Variants in CDH13 observed in about 807,000 individuals in gnomAD.
CDH13 encodes cadherin 13, also known as cadherin-13.
Under a neutral mutation model 63.8 loss-of-function variants are expected in CDH13, and 24 were observed. The ratio of observed to expected loss-of-function variants is 0.38; its 90% confidence interval spans 0.27 to 0.53. CDH13 has a LOEUF of 0.53. Ranked by LOEUF, CDH13 falls within the 20% of genes least tolerant of loss-of-function variation. The pLI, the probability that CDH13 is intolerant of heterozygous loss-of-function variation, is 0.85. For synonymous variants in CDH13, 503 were observed against 355.3 expected, an observed-to-expected ratio of 1.42 and a Z score of -4.67; for missense variants, 1,049 against 903.1, an observed-to-expected ratio of 1.16 and a Z score of -2.07.
At position 83,670,978 on chromosome 16, in the gene CDH13, G is replaced by C; in HGVS notation, c.1284+6G>C. 1 of 1,577,156 alleles carries C rather than the reference G, an allele frequency of 6.3e-7. No individual in the cohort carries two copies. On this transcript the variant is annotated splice_donor_region_variant and intron_variant, in intron 9 of 13. Transcript: ENST00000567109. Reference sequence around the variant, plus strand: ...GGATGCTTTCTGTTGTCAAAGTAAGGGTGCTTCCAATTGCCTCTTTCTCCT... The same window carrying C: ...GGATGCTTTCTGTTGTCAAAGTAAGCGTGCTTCCAATTGCCTCTTTCTCCT...
rs369121464 is a variant in CDH13 at position 82,990,547 on chromosome 16, GT to G, written c.158-41447del. 5.4e-3 allele frequency among the ~76,000 whole-genome samples: 757 copies of G among 139,828 alleles called. 3 individuals are homozygous for G. The highest frequency in any genetic ancestry group is 0.019 in the Middle Eastern group (5 of 270). The allele number at this position is 139,828 out of a possible 152,430, so 91.7% of individuals were successfully genotyped here. A position where few individuals can be genotyped will look rare whatever the true frequency, so the allele number is the denominator to read the frequency against. ...CGTTTGTGTGGGTTTTTTGGTTTGG[GT>G]TTTTTTTTTTTTTTTAGAGACAGAG... On this transcript the variant is annotated intron_variant, in intron 2 of 13. Transcript: ENST00000567109.
At chr16:82,716,050 A>G (rs1467923541) in intron 1 of CDH13, among the ~76,000 whole-genome samples, 1 of 152,168 alleles carries the variant, frequency 6.6e-6, no homozygotes, top group African/African-American at 2.4e-5. Flanking sequence ...CTAAAGTCGG[A>G]TAAGGAAATG....
chr16:83,453,157 A>G (rs1193243920), intron 6 of CDH13, among the ~76,000 whole-genome samples: 14 of 152,240 alleles, frequency 9.2e-5, no homozygotes, highest in Admixed American at 9.2e-4. Flanking sequence ...ATCTGTGGGA[A>G]CTAAGCAATG....
chr16:83,485,813 C>T (rs183193318), intron 6 of CDH13, among the ~76,000 whole-genome samples: 19 of 152,258 alleles, frequency 1.2e-4, no homozygotes, highest in Admixed American at 9.8e-4. Flanking sequence ...TTCCCCAACA[C>T]GCAGCCCAGG....
At chr16:83,560,193 G>T (rs1025909513) in intron 7 of CDH13, among the ~76,000 whole-genome samples, 2 of 152,226 alleles carry the variant, frequency 1.3e-5, no homozygotes, top group Non-Finnish European at 1.5e-5. Flanking sequence ...CCCTCTCACA[G>T]AGTTTGGAAT....
chr16:83,423,389 A>C (rs1366431868), intron 6 of CDH13, among the ~76,000 whole-genome samples: 1 of 152,178 alleles, frequency 6.6e-6, no homozygotes, highest in African/African-American at 2.4e-5. Context: ...TTTCAATGGC[A>C]TCACCATTGT....
chr16:82,958,067 A>T (rs56764990), intron 2 of CDH13, among the ~76,000 whole-genome samples: 8,710 of 152,230 alleles, frequency 0.057, 813 homozygotes, highest in African/African-American at 0.19. Flanking sequence ...TTCTCTTAGT[A>T]AACTCACAGA....
chr16:83,707,836 C>CAAAAAAAAAAAAAAAAAAAAAAAAAAA lies in CDH13; in HGVS notation c.1538+29397_1538+29398insAAAAAAAAAAAAAAAAAAAAAAAAAAA, dbSNP rs61067563. Among the ~76,000 whole-genome samples the CAAAAAAAAAAAAAAAAAAAAAAAAAAA allele has an allele frequency of 9.3e-4, 73 of 78,870 alleles. 6 individuals carry two copies. The highest frequency in any genetic ancestry group is 1.6e-3 in the African/African-American group (31 of 19,984). The allele number at this position is 78,870 out of a possible 152,430, so 51.7% of individuals were successfully genotyped here. On this transcript the variant is annotated intron_variant, in intron 10 of 13. Transcript: ENST00000567109. ...CATCTTTGGTGAGAGACCCTAAAGG[C>CAAAAAAAAAAAAAAAAAAAAAAAAAAA]AAAAAAAAAAAAAAAAAAAAAAGAG...
intron 4 of CDH13, among the ~76,000 whole-genome samples, chr16:83,184,997 G>T (rs2038474115): frequency 6.6e-6 from 1 of 151,006 alleles, no homozygotes; most frequent in African/African-American, 2.4e-5. Flanking sequence ...GTGGTGTGTG[G>T]GTATATATAC....
chr16:83,449,869 A>C (rs1388609906), intron 6 of CDH13, among the ~76,000 whole-genome samples: 1 of 152,218 alleles, frequency 6.6e-6, no homozygotes. Context: ...CTCAGACCAC[A>C]GATTTGTGCA....
At chr16:83,303,954 C>CT (rs1486214941) in intron 5 of CDH13, among the ~76,000 whole-genome samples, 1 of 152,158 alleles carries the variant, frequency 6.6e-6, no homozygotes, top group Non-Finnish European at 1.5e-5. Flanking sequence ...GGATCTCAGA[C>CT]TTTGCCTATC....
chr16:82,749,088 TC>T (rs1488661462), intron 1 of CDH13, among the ~76,000 whole-genome samples: 3 of 151,372 alleles, frequency 2.0e-5, no homozygotes, highest in Non-Finnish European at 2.9e-5. Context: ...AATTGTGGGG[TC>T]CAATTTTTTT....
At chr16:83,623,660 C>A (rs1030700044) in intron 8 of CDH13, among the ~76,000 whole-genome samples, 1 of 152,168 alleles carries the variant, frequency 6.6e-6, no homozygotes. Flanking sequence ...TATATCAGAG[C>A]CAGAACCAGT....
chr16:83,029,318 G>T (rs1168046626), intron 2 of CDH13, among the ~76,000 whole-genome samples: 1 of 152,118 alleles, frequency 6.6e-6, no homozygotes, highest in African/African-American at 2.4e-5. Context: ...TTAACAGTGT[G>T]CTAGGATCTA....
At chr16:83,137,496 C>T (rs2036340852) in intron 4 of CDH13, among the ~76,000 whole-genome samples, 1 of 152,172 alleles carries the variant, frequency 6.6e-6, no homozygotes, top group East Asian at 1.9e-4. Context: ...AAATAGACCA[C>T]ATGTTGACAA....
intron 2 of CDH13, among the ~76,000 whole-genome samples, chr16:82,860,724 C>G (rs1488255712): frequency 6.6e-6 from 1 of 151,770 alleles, no homozygotes; most frequent in Non-Finnish European, 1.5e-5. Flanking sequence ...GAGTATAGAG[C>G]CTGCAGATAA....
At chr16:82,845,303 C>G (rs2039211016) in intron 1 of CDH13, among the ~76,000 whole-genome samples, 1 of 152,168 alleles carries the variant, frequency 6.6e-6, no homozygotes, top group South Asian at 2.1e-4. Flanking sequence ...TGAGGGCTGT[C>G]CATAGGAGCA....
chr16:82,700,396 G>A (rs1021677560), intron 1 of CDH13, among the ~76,000 whole-genome samples: 1 of 152,150 alleles, frequency 6.6e-6, no homozygotes, highest in Admixed American at 6.5e-5. Flanking sequence ...ATTTTTGAAA[G>A]TATCCCCACC....
chr16:82,713,890 G>T (rs954094505), intron 1 of CDH13, among the ~76,000 whole-genome samples: 1 of 151,702 alleles, frequency 6.6e-6, no homozygotes, highest in African/African-American at 2.4e-5. Context: ...ATCATATCTT[G>T]GAAGTGCTCA....
Sources: allele counts gnomAD v4.1 joint callset (sites outside exome capture counted in the v4.1 genomes callset), GRCh38; gene constraint gnomAD v4.1.1; transcripts MANE v1.5; gene names NCBI Gene and HGNC (gene_info 2026-07-23, HGNC 2026-07-21).